DMD: variants seen among roughly 807,000 people sequenced by gnomAD.
DMD encodes the protein mutant dystrophin.
In DMD, 63 loss-of-function variants were observed where a neutral mutation model predicts 330.1. The ratio of observed to expected loss-of-function variants is 0.19; its 90% confidence interval spans 0.16 to 0.24. The LOEUF (loss-of-function observed/expected upper bound fraction) is 0.24. Among genes scored for constraint, DMD ranks in the 10% least tolerant of loss-of-function variants. The pLI is 1.00. For synonymous variants in DMD, 1,223 were observed against 959.8 expected (o/e 1.27, Z -5.07); for missense variants, 3,344 against 2,684.1 (o/e 1.25, Z -5.43).
In DMD at chrX:31,602,492, G is replaced by A. The variant is rs188116144; in HGVS notation, c.8217+25181C>T. Among the ~76,000 whole-genome samples the A allele has an allele frequency of 2.9e-3, 321 of 110,614 alleles. 2 individuals carry two copies. The highest frequency in any genetic ancestry group is 9.7e-3 in the African/African-American group (296 of 30,453). On this transcript the variant is annotated intron_variant, in intron 55 of 78. Coordinates refer to ENST00000357033, the MANE Select transcript of DMD (RefSeq NM_004006.3). ...AAGTACATGGCCCTTAAATTTTGGC[G>A]GTTCCTTTAAAATTTAGTTCAAAAG...
chrX:31,421,845 C>A (rs1178561214), intron 60 of DMD, among the ~76,000 whole-genome samples: 3 of 101,122 alleles, frequency 3.0e-5, no homozygotes, highest in Admixed American at 1.1e-4. Flanking sequence ...CTGGCTTCAA[C>A]CCCTCCCTGC....
chrX:33,251,381 C>A (rs1213869712), intron 1 of DMD, among the ~76,000 whole-genome samples: 3 of 111,497 alleles, frequency 2.7e-5, no homozygotes, highest in African/African-American at 9.8e-5. Flanking sequence ...AACTCCAATT[C>A]CATTCGGGTA....
At chrX:32,203,667 A>G (rs748596302) in intron 44 of DMD, among the ~76,000 whole-genome samples, 15 of 111,852 alleles carry the variant, frequency 1.3e-4, no homozygotes, top group Non-Finnish European at 2.6e-4. Context: ...TCCAATGCTC[A>G]TGTCCTCCAT....
At chrX:32,173,470 T>C (rs180894361) in intron 44 of DMD, among the ~76,000 whole-genome samples, 10 of 110,578 alleles carry the variant, frequency 9.0e-5, no homozygotes, top group Admixed American at 8.7e-4. Context: ...CCTCCCAGGT[T>C]CAAGTGATTC....
Position 31,180,421 on chromosome X carries a change from T to C in DMD, c.10035A>G (p.Arg3345=). 1.7e-6 allele frequency: 2 copies of C among 1,210,904 alleles called. No homozygotes were observed. The highest frequency in any genetic ancestry group is 2.2e-6 in the Non-Finnish European group (2 of 894,802). ...AGTGCATTTTATGGCCTTTTGCAAC[T>C]CGACCAGAAAAAAAGCAGCTTTGGC... The part of the protein sequence containing the change: ...DICQSCFFSG[R]VAKGHKMHYP... Residue 3345 remains arginine (R), a synonymous_variant, in exon 69 of 79, where the codon CGA becomes CGG. Transcript: ENST00000357033.
In DMD at chrX:32,386,600, C is replaced by A. The variant is rs907436784; in HGVS notation, c.4519-135G>T. ...ATTTTAATAGAGTAGCATTTTGCAG[C>A]GGTGGTCAATATCTAGCTTTTGCAT... On this transcript the variant is annotated intron_variant, in intron 32 of 78. Transcript: ENST00000357033. 5.8e-5 allele frequency: 32 copies of A among 551,063 alleles called. No individual in the cohort carries two copies. The Admixed American group carries it at 1.1e-3, about 19-fold the overall frequency. The allele number at this position is 551,063 out of a possible 1,213,427, so 45.4% of individuals were successfully genotyped here.
At chrX:32,276,800 A>G (rs988763701) in intron 43 of DMD, among the ~76,000 whole-genome samples, 1 of 110,621 alleles carries the variant, frequency 9.0e-6, no homozygotes, top group African/African-American at 3.3e-5. Context: ...GGTGACTGTA[A>G]TCTCAGCCTC....
At chrX:33,192,700 C>T (rs747088771) in intron 1 of DMD, among the ~76,000 whole-genome samples, 1 of 111,849 alleles carries the variant, frequency 8.9e-6, no homozygotes, top group South Asian at 3.7e-4. Context: ...TAGCAATGAT[C>T]TTGGTTACTT....
At chrX:31,385,568 T>A (rs2060408790) in intron 60 of DMD, among the ~76,000 whole-genome samples, 1 of 112,415 alleles carries the variant, frequency 8.9e-6, no homozygotes, top group African/African-American at 3.2e-5. Flanking sequence ...CGTATATATT[T>A]ATAGAGCATA....
intron 9 of DMD, among the ~76,000 whole-genome samples, chrX:32,694,126 A>G (rs1233583889): frequency 3.6e-5 from 4 of 111,407 alleles, no homozygotes; most frequent in African/African-American, 1.3e-4. Context: ...CCAGAATGCC[A>G]CATCTATCTT....
rs1453925769 is a variant in DMD at position 31,708,509 on chromosome X, T to A, written c.7660+21122A>T. 3.6e-5 allele frequency among the ~76,000 whole-genome samples: 4 copies of A among 111,981 alleles called. No homozygotes were observed. In the East Asian group the frequency reaches 1.1e-3, roughly 31 times the overall value. On this transcript the variant is annotated intron_variant, in intron 52 of 78. Coordinates refer to ENST00000357033, the MANE Select transcript of DMD (RefSeq NM_004006.3). ...TCCAGTTATAATTTCTTTTGCTGGT[T>A]TTCTCTGTTTTTTACAAAATTAGGA...
intron 11 of DMD, among the ~76,000 whole-genome samples, chrX:32,622,362 T>G (rs1054797063): frequency 7.2e-5 from 8 of 111,884 alleles, no homozygotes; most frequent in Non-Finnish European, 5.6e-5. Flanking sequence ...TTCTGAGATG[T>G]TTTAATTGAG....
intron 44 of DMD, among the ~76,000 whole-genome samples, chrX:32,091,974 C>G (rs190983687): frequency 9.0e-6 from 1 of 111,404 alleles, no homozygotes; most frequent in African/African-American, 3.3e-5. Flanking sequence ...TATAAAATGA[C>G]TAACTTTTCT....
At chrX:31,659,639 GAAAAAAAA>G (rs869195395) in intron 53 of DMD, among the ~76,000 whole-genome samples, 4 of 39,982 alleles carry the variant, frequency 1.0e-4, no homozygotes, top group African/African-American at 3.7e-4. Context: ...CTCCATCTCG[GAAAAAAAA>G]AAAAAAAAAA....
chrX:32,416,940 C>CT (rs1569561899), intron 29 of DMD, among the ~76,000 whole-genome samples: 1 of 111,819 alleles, frequency 8.9e-6, no homozygotes, highest in East Asian at 2.8e-4. Flanking sequence ...TTTAGTGTTT[C>CT]TTTTTTACCT....
At chrX:32,680,545 CTTTAA>C (rs920216537) in intron 9 of DMD, among the ~76,000 whole-genome samples, 2 of 111,365 alleles carry the variant, frequency 1.8e-5, no homozygotes, top group African/African-American at 3.3e-5. Flanking sequence ...AATTCTTATG[CTTTAA>C]TTTATTGAGA....
At chrX:31,240,802 T>C (rs1206811819) in intron 63 of DMD, among the ~76,000 whole-genome samples, 1 of 111,989 alleles carries the variant, frequency 8.9e-6, no homozygotes, top group Admixed American at 9.5e-5. Flanking sequence ...GATATCATTA[T>C]TTCAATCCCA....
chrX:33,279,849 G>C (rs1056838760), intron 1 of DMD, among the ~76,000 whole-genome samples: 9 of 93,751 alleles, frequency 9.6e-5, no homozygotes, highest in African/African-American at 3.6e-4. Flanking sequence ...TATGCCATCT[G>C]TATATCTTCA....
At chrX:32,612,749 T>G (rs1446444185) in intron 12 of DMD, among the ~76,000 whole-genome samples, 1 of 111,387 alleles carries the variant, frequency 9.0e-6, no homozygotes, top group Non-Finnish European at 1.9e-5. Context: ...AGTTACAATT[T>G]CTACATAATT....
Sources: gnomAD v4.1 joint callset for allele counts (sites outside exome capture counted in the v4.1 genomes callset) on GRCh38, gnomAD v4.1.1 for gene constraint, MANE v1.5 for transcripts, NCBI Gene and HGNC (gene_info 2026-07-23, HGNC 2026-07-21) for gene names.